The following LIMK1 variants were observed in gnomAD, a reference collection of about 807,000 sequenced individuals.
The protein encoded by LIMK1 is LIM domain kinase 1, also known as LIM motif-containing protein kinase.
Under a neutral mutation model 77.6 loss-of-function variants are expected in LIMK1, and 21 were observed. The ratio of observed to expected loss-of-function variants is 0.27; its 90% CI spans 0.19 to 0.39. The LOEUF (loss-of-function observed/expected upper bound fraction) is 0.39, where lower values mean the gene tolerates loss of function less well. LIMK1 is among the 10% of genes least tolerant of loss of function. The probability of loss-of-function intolerance (pLI) is 1.00; values close to 1 mark genes in which losing one functional copy is unlikely to be tolerated. For synonymous variants in LIMK1, 358 were observed against 370.0 expected, an observed-to-expected ratio of 0.97 and a Z score of 0.37; for missense variants, 696 against 901.6, an observed-to-expected ratio of 0.77 and a Z score of 2.92.
intron 10 of LIMK1, 62 bp downstream of exon 10, chr7:74,109,098 G>C: frequency 1.5e-6 from 2 of 1,303,256 alleles, no homozygotes; most frequent in South Asian, 2.5e-5. Flanking sequence ...AGCTCCCTCT[G>C]TGAGCCTCAG....
At position 74,086,685 on chromosome 7, in the gene LIMK1, G is replaced by A. The variant is rs373032568; in HGVS notation, c.152+841G>A. Among the ~76,000 whole-genome samples, 11 of 152,208 alleles carry A rather than the reference G, an allele frequency of 7.2e-5. No homozygotes were observed. The East Asian group carries it at 1.4e-3, about 19-fold the overall frequency. ...CTCTGTTGTCATCCTAGATCTCTGA[G>A]ATCTAAATCTTAGAGAGGATGGGAG... On this transcript the variant is annotated intron_variant, in intron 2 of 15. Transcript: ENST00000336180.
chr7:74,105,303 A>G (rs1799544573), intron 5 of LIMK1, among the ~76,000 whole-genome samples: 1 of 152,078 alleles, frequency 6.6e-6, no homozygotes, highest in Non-Finnish European at 1.5e-5. Flanking sequence ...TGAGCTCAGG[A>G]GTTCGAGACC....
intron 5 of LIMK1, among the ~76,000 whole-genome samples, chr7:74,099,854 T>TCACAC (rs1179997479): frequency 6.7e-6 from 1 of 150,178 alleles, no homozygotes; most frequent in African/African-American, 2.5e-5. Context: ...GCGCAGTAAC[T>TCACAC]CACACCTGTA....
At position 74,106,215 on chromosome 7, in the gene LIMK1, G is replaced by A. The variant is rs1554697478; in HGVS notation, c.853G>A (p.Gly285Ser). 1 of 1,613,440 alleles carries A rather than the reference G, an allele frequency of 6.2e-7. No homozygotes were observed. Residue 285 changes from glycine to serine, a missense_variant, in exon 7 of 16, where the codon GGC (glycine) becomes AGC (serine). Physicochemically the swap from Gly to Ser is moderately conservative, Grantham distance 56. This residue lies in a region of LIMK1 where 438 missense variants were observed against 602.3 expected (regional missense o/e 0.73). Coordinates refer to ENST00000336180, the MANE Select transcript of LIMK1 (RefSeq NM_002314.4). ...GGCTTATACTCCCAGCGGGGAGGCG[G>A]GCAGCTCTGCCCGGCAGAAACCTGT... Reference protein sequence around the residue: ...SPAYTPSGEAGSSARQKPVLR... With the variant: ...SPAYTPSGEASSSARQKPVLR...
intron 13 of LIMK1, among the ~76,000 whole-genome samples, chr7:74,117,376 G>A (rs1396584836): frequency 1.1e-4 from 17 of 151,976 alleles, no homozygotes; most frequent in African/African-American, 3.9e-4. Context: ...TCCAAAAGCA[G>A]CCCTCCATCT....
chr7:74,084,266 G>A (rs1288599382), intron 1 of LIMK1, among the ~76,000 whole-genome samples: 1 of 150,878 alleles, frequency 6.6e-6, no homozygotes, highest in African/African-American at 2.4e-5. Flanking sequence ...GGGGCCCCTG[G>A]ACCCTTTTTC....
At chr7:74,084,961 G>C (rs994149436) in intron 1 of LIMK1, among the ~76,000 whole-genome samples, 2 of 152,184 alleles carry the variant, frequency 1.3e-5, no homozygotes, top group Non-Finnish European at 2.9e-5. Flanking sequence ...AGGTACCTGC[G>C]TCTTCACAGA....
At chr7:74,098,720 C>T (rs1380627682) in intron 4 of LIMK1, among the ~76,000 whole-genome samples, 27 of 73,474 alleles carry the variant, frequency 3.7e-4, no homozygotes, top group South Asian at 1.5e-3. Flanking sequence ...GGTGCGTGCC[C>T]GTAATCCCAG....
In LIMK1 at chr7:74,085,861, A is replaced by G. The variant is rs1554693993; in HGVS notation, c.152+17A>G. On this transcript the variant is annotated intron_variant, in intron 2 of 15. Transcript: ENST00000336180. ...CTGCTTCAGGTAGGGTGGGGTGCCCAGGGCCTGTGTTGCCCTAAACAAGGC... is the reference window on the plus strand; with the variant it reads ...CTGCTTCAGGTAGGGTGGGGTGCCCGGGGCCTGTGTTGCCCTAAACAAGGC... The G allele has an allele frequency of 2.6e-6, 4 of 1,539,994 alleles. No individual in the cohort carries two copies. The African/African-American group carries it at 4.1e-5, about 16-fold the overall frequency.
chr7:74,096,593 G>T, intron 2 of LIMK1, 29 bp from the exon 3 acceptor site: 13 of 1,613,606 alleles, frequency 8.1e-6, no homozygotes, highest in Non-Finnish European at 1.1e-5. Context: ...GGCGGGAGTG[G>T]ACGTCTCAGC....
At chr7:74,101,670 G>A (rs910672317) in intron 5 of LIMK1, among the ~76,000 whole-genome samples, 19 of 152,086 alleles carry the variant, frequency 1.2e-4, no homozygotes, top group Non-Finnish European at 2.5e-4. Flanking sequence ...GTTTTAAACT[G>A]GTTTTAGTTG....
At chr7:74,107,983 C>T (rs1554697944) in intron 9 of LIMK1, 26 bp downstream of exon 9, 10 of 1,508,764 alleles carry the variant, frequency 6.6e-6, no homozygotes, top group Admixed American at 5.9e-5. Context: ...GCCCTCTTCC[C>T]TCCAGAGGGA....
At chr7:74,104,056 T>C (rs1371215252) in intron 5 of LIMK1, among the ~76,000 whole-genome samples, 1 of 151,882 alleles carries the variant, frequency 6.6e-6, no homozygotes, top group African/African-American at 2.4e-5. Context: ...GCCTCCCAAA[T>C]AGCTGGGATT....
At position 74,116,551 on chromosome 7, in the gene LIMK1, C is replaced by A. The variant is rs577015065; in HGVS notation, c.1567+593C>A. Reference sequence around the variant, plus strand: ...AGCTCCTTCTGCAGGCTCCGGGGCACCTGTTTCCTGACCTTTTCTGGCTCG... The same window carrying A: ...AGCTCCTTCTGCAGGCTCCGGGGCAACTGTTTCCTGACCTTTTCTGGCTCG... On this transcript the variant is annotated intron_variant, in intron 13 of 15. Transcript: ENST00000336180. Among the ~76,000 whole-genome samples, 7 of 152,204 alleles carry A rather than the reference C, an allele frequency of 4.6e-5. No individual in the cohort carries two copies. In the East Asian group the frequency reaches 1.4e-3, roughly 29 times the overall value.
At chr7:74,107,360 T>C (rs1799598230) in intron 8 of LIMK1, among the ~76,000 whole-genome samples, 167 bp downstream of exon 8, 1 of 152,060 alleles carries the variant, frequency 6.6e-6, no homozygotes, top group South Asian at 2.1e-4. Context: ...ACAGGGGACC[T>C]CCTACAGGTA....
At chr7:74,084,229 C>T (rs1799087202) in intron 1 of LIMK1, among the ~76,000 whole-genome samples, 184 bp downstream of exon 1, 1 of 151,986 alleles carries the variant, frequency 6.6e-6, no homozygotes, top group South Asian at 2.1e-4. Flanking sequence ...TCCCCGGCCC[C>T]CGGCGAGCTG....
chr7:74,097,415 C>T (rs1318339301), intron 4 of LIMK1, among the ~76,000 whole-genome samples: 1 of 152,238 alleles, frequency 6.6e-6, no homozygotes, highest in Non-Finnish European at 1.5e-5. Context: ...CTGGCTCACG[C>T]CTGTAAACCC....
At chr7:74,090,553 C>T (rs138568741) in intron 2 of LIMK1, among the ~76,000 whole-genome samples, 4,018 of 152,302 alleles carry the variant, frequency 0.026, 70 homozygotes, top group Middle Eastern at 0.044. Context: ...TGGCTGACCA[C>T]AGCCAGGCTG....
In LIMK1 at chr7:74,106,146, C is replaced by G; in HGVS notation, c.784C>G (p.Leu262Val). The G allele has an allele frequency of 6.2e-7, 1 of 1,614,136 alleles. No individual in the cohort carries two copies. The highest frequency in any genetic ancestry group is 2.2e-5 in the East Asian group (1 of 44,868). The stretch of plus-strand genomic sequence containing the variant: ...CCTCGAGCATGACCCTCACGATACA[C>G]TGGGCCACGGGCTGGGGCCTGAGAC... The part of the protein sequence containing the change: ...LTLEHDPHDT[L>V]GHGLGPETSP... The change falls in exon 7 of 16, where the codon CTG (leucine) becomes GTG (valine). Residue 262 changes from leucine to valine, a missense_variant. Leu to Val is a conservative substitution (Grantham distance 32). Coordinates refer to ENST00000336180, the MANE Select transcript of LIMK1 (RefSeq NM_002314.4).
Sources: gnomAD v4.1 joint callset for allele counts (sites outside exome capture counted in the v4.1 genomes callset) on GRCh38, gnomAD v4.1.1 for gene constraint, gnomAD v4.1.1 regional missense constraint, MANE v1.5 for transcripts, NCBI Gene and HGNC (gene_info 2026-07-23, HGNC 2026-07-21) for gene names.